MAML2: variants seen among roughly 807,000 people sequenced by gnomAD.
The protein encoded by MAML2 is mastermind-like protein 2.
In MAML2, 22 loss-of-function variants were observed where a neutral mutation model predicts 96.1. That is an observed-to-expected ratio of 0.23 (90% CI 0.16 to 0.33). MAML2 has a LOEUF of 0.33. Among genes scored for constraint, MAML2 ranks in the 10% least tolerant of loss-of-function variants. The pLI is 1.00. For missense variants in MAML2, 1,367 were observed against 1,392.4 expected (o/e 0.98, Z 0.29); for synonymous variants, 561 against 521.3 (o/e 1.08, Z -1.04).
intron 1 of MAML2, among the ~76,000 whole-genome samples, chr11:96,260,878 T>C (rs970052072): frequency 6.6e-5 from 10 of 152,244 alleles, no homozygotes; most frequent in African/African-American, 2.4e-4. Flanking sequence ...GGTTGTTTTT[T>C]TGTTTTGTTT....
At chr11:96,260,532 C>G (rs897552451) in intron 1 of MAML2, among the ~76,000 whole-genome samples, 2 of 152,156 alleles carry the variant, frequency 1.3e-5, no homozygotes, top group African/African-American at 4.8e-5. Context: ...ACACTTTCAG[C>G]TTTTCTGATA....
chr11:96,046,289 C>G (rs951371906), intron 2 of MAML2, among the ~76,000 whole-genome samples: 2 of 151,656 alleles, frequency 1.3e-5, no homozygotes, highest in African/African-American at 2.4e-5. Context: ...GTGTTCATAG[C>G]CGGGGAGCTG....
chr11:96,277,626 C>A (rs1472403418), intron 1 of MAML2, among the ~76,000 whole-genome samples: 1 of 151,602 alleles, frequency 6.6e-6, no homozygotes, highest in Non-Finnish European at 1.5e-5. Context: ...GTAGCAAGCG[C>A]CTGTAATCCC....
chr11:96,330,065 T>A (rs1863833070), intron 1 of MAML2, among the ~76,000 whole-genome samples: 1 of 152,200 alleles, frequency 6.6e-6, no homozygotes, highest in Non-Finnish European at 1.5e-5. Flanking sequence ...GGTAGACTAC[T>A]GAAGGCAGAT....
chr11:95,991,360 C>A (rs1857908400), intron 3 of MAML2, among the ~76,000 whole-genome samples, 160 bp downstream of exon 3: 1 of 145,478 alleles, frequency 6.9e-6, no homozygotes, highest in Non-Finnish European at 1.5e-5. Flanking sequence ...GTTTTTTTTT[C>A]TTCCTGCAGT....
At chr11:96,128,456 G>A (rs574328660) in intron 1 of MAML2, among the ~76,000 whole-genome samples, 1 of 152,242 alleles carries the variant, frequency 6.6e-6, no homozygotes, top group East Asian at 1.9e-4. Flanking sequence ...GCCTTTGTTT[G>A]TTTCATCATT....
intron 1 of MAML2, among the ~76,000 whole-genome samples, chr11:96,288,092 A>T (rs1020779280): frequency 2.6e-5 from 4 of 152,334 alleles, no homozygotes; most frequent in Middle Eastern, 6.8e-3. Context: ...ACCACCTGAA[A>T]AACCACAGGA....
chr11:96,105,252 C>G (rs1256397794), intron 1 of MAML2, among the ~76,000 whole-genome samples: 1 of 152,202 alleles, frequency 6.6e-6, no homozygotes, highest in East Asian at 1.9e-4. Flanking sequence ...AGGTGCCGTT[C>G]CATGACAGCA....
At chr11:96,172,026 A>G (rs1861305267) in intron 1 of MAML2, among the ~76,000 whole-genome samples, 1 of 152,268 alleles carries the variant, frequency 6.6e-6, no homozygotes, top group Admixed American at 6.5e-5. Context: ...TGCCTTGTAG[A>G]GAGCGACACT....
chr11:96,174,087 C>A (rs1284372126), intron 1 of MAML2, among the ~76,000 whole-genome samples: 1 of 152,186 alleles, frequency 6.6e-6, no homozygotes, highest in Non-Finnish European at 1.5e-5. Flanking sequence ...AGCAGATGGC[C>A]TGTCCTCCCA....
intron 2 of MAML2, among the ~76,000 whole-genome samples, chr11:96,088,110 A>G (rs1180736658): frequency 7.2e-5 from 11 of 152,196 alleles, no homozygotes; most frequent in Admixed American, 5.2e-4. Context: ...GATTTACACC[A>G]AGGGTTGATA....
intron 1 of MAML2, among the ~76,000 whole-genome samples, chr11:96,298,137 C>T (rs1393733121): frequency 1.3e-5 from 2 of 152,212 alleles, no homozygotes; most frequent in Non-Finnish European, 2.9e-5. Context: ...CTTCCCAAGT[C>T]TGCATGACCA....
chr11:96,080,395 A>T (rs1348888019), intron 2 of MAML2, among the ~76,000 whole-genome samples: 2 of 152,208 alleles, frequency 1.3e-5, no homozygotes, highest in Non-Finnish European at 2.9e-5. Flanking sequence ...TTGCATTTTA[A>T]TATGATTTGT....
At chr11:96,078,633 T>C (rs888211406) in intron 2 of MAML2, among the ~76,000 whole-genome samples, 1 of 152,220 alleles carries the variant, frequency 6.6e-6, no homozygotes, top group Admixed American at 6.5e-5. Flanking sequence ...TGGAAGTGTG[T>C]CGACAAAACT....
At chr11:96,035,509 G>A (rs1590973444) in intron 2 of MAML2, among the ~76,000 whole-genome samples, 1 of 152,176 alleles carries the variant, frequency 6.6e-6, no homozygotes, top group East Asian at 1.9e-4. Flanking sequence ...GTCATGTAGA[G>A]CAAGAAATAG....
At chr11:96,212,179 G>T (rs1049547984) in intron 1 of MAML2, among the ~76,000 whole-genome samples, 2 of 144,908 alleles carry the variant, frequency 1.4e-5, no homozygotes, top group Non-Finnish European at 3.0e-5. Flanking sequence ...CTCATTTGTG[G>T]ATACAATTTT....
chr11:96,025,397 G>C (rs551648476), intron 2 of MAML2, among the ~76,000 whole-genome samples: 8 of 152,162 alleles, frequency 5.3e-5, no homozygotes, highest in African/African-American at 1.9e-4. Flanking sequence ...GGGGACTACT[G>C]GGGGAGGGGG....
intron 2 of MAML2, among the ~76,000 whole-genome samples, chr11:96,004,876 A>C (rs1858152302): frequency 6.6e-6 from 1 of 152,194 alleles, no homozygotes; most frequent in Non-Finnish European, 1.5e-5. Flanking sequence ...ATTCCTGTTG[A>C]AACTTAATCC....
intron 1 of MAML2, among the ~76,000 whole-genome samples, chr11:96,121,089 G>GT (rs966167285): frequency 1.3e-5 from 2 of 151,476 alleles, no homozygotes; most frequent in Non-Finnish European, 2.9e-5. Context: ...AGTCAGGGGG[G>GT]AGTGAAGGAT....
Sources: gnomAD v4.1 joint callset for allele counts (sites outside exome capture counted in the v4.1 genomes callset) on GRCh38, gnomAD v4.1.1 for gene constraint, MANE v1.5 for transcripts, NCBI Gene and HGNC (gene_info 2026-07-23, HGNC 2026-07-21) for gene names.